The following RBFOX1 variants were observed in gnomAD, a reference collection of about 807,000 sequenced individuals.
RBFOX1 encodes the protein RNA binding fox-1 homolog 1, also known as RNA binding protein fox-1 homolog 1.
In RBFOX1, 8 loss-of-function variants were observed where a neutral mutation model predicts 57.7. The ratio of observed to expected loss-of-function variants is 0.14; its 90% confidence interval spans 0.08 to 0.25. RBFOX1 has a LOEUF of 0.25. RBFOX1 is among the 10% of genes least tolerant of loss of function. RBFOX1 has a pLI of 1.00. For synonymous variants in RBFOX1, 326 were observed against 222.4 expected (o/e 1.47, Z -4.15); for missense variants, 611 against 548.5 (o/e 1.11, Z -1.14).
chr16:7,174,106 G>C (rs943796581), intron 4 of RBFOX1, among the ~76,000 whole-genome samples: 1 of 152,146 alleles, frequency 6.6e-6, no homozygotes, highest in African/African-American at 2.4e-5. Flanking sequence ...TTCCTGGACA[G>C]GTTGTAGAAA....
At chr16:7,232,403 G>A (rs2152925049) in intron 4 of RBFOX1, among the ~76,000 whole-genome samples, 1 of 152,272 alleles carries the variant, frequency 6.6e-6, no homozygotes, top group Middle Eastern at 3.4e-3. Context: ...GTTATAACAA[G>A]CTTCAAACAA....
intron 4 of RBFOX1, among the ~76,000 whole-genome samples, chr16:7,455,841 A>G (rs182363549): frequency 1.1e-4 from 17 of 152,258 alleles, no homozygotes; most frequent in East Asian, 5.8e-4. Flanking sequence ...ATTTCAATCA[A>G]TGATAGTCAC....
intron 10 of RBFOX1, among the ~76,000 whole-genome samples, chr16:7,620,674 T>C (rs1217177026): frequency 6.6e-6 from 1 of 152,188 alleles, no homozygotes; most frequent in Non-Finnish European, 1.5e-5. Flanking sequence ...TTTGTTGTAA[T>C]GGGGGTAATG....
At chr16:7,672,894 TATAG>T (rs1234205818) in intron 13 of RBFOX1, among the ~76,000 whole-genome samples, 36 of 69,998 alleles carry the variant, frequency 5.1e-4, no homozygotes, top group African/African-American at 1.7e-3. Flanking sequence ...AAAAAGAACA[TATAG>T]ATAAATTAGG....
At chr16:6,925,651 T>G (rs2075439924) in intron 3 of RBFOX1, among the ~76,000 whole-genome samples, 1 of 151,976 alleles carries the variant, frequency 6.6e-6, no homozygotes, top group Non-Finnish European at 1.5e-5. Context: ...TACAAAGGGC[T>G]TAGGGTAGGG....
chr16:7,502,708 T>C (rs896853542), intron 4 of RBFOX1, among the ~76,000 whole-genome samples: 3 of 152,212 alleles, frequency 2.0e-5, no homozygotes, highest in African/African-American at 7.2e-5. Flanking sequence ...TAGAAAACTT[T>C]ATAATGTGTT....
intron 3 of RBFOX1, among the ~76,000 whole-genome samples, chr16:6,993,671 G>C (rs2091853511): frequency 6.6e-6 from 1 of 152,148 alleles, no homozygotes; most frequent in African/African-American, 2.4e-5. Flanking sequence ...TTTAGCATTT[G>C]TGTGCATTAG....
At chr16:6,958,208 C>T (rs1409125952) in intron 3 of RBFOX1, among the ~76,000 whole-genome samples, 3 of 152,160 alleles carry the variant, frequency 2.0e-5, no homozygotes, top group African/African-American at 7.2e-5. Context: ...GCATTTTTTC[C>T]AGTAAGCTTG....
chr16:6,314,479 C>G (rs1404275640), intron 1 of RBFOX1, among the ~76,000 whole-genome samples: 2 of 152,142 alleles, frequency 1.3e-5, no homozygotes, highest in Non-Finnish European at 2.9e-5. Flanking sequence ...GGTAGATGTT[C>G]AAGTCTCAAG....
At chr16:5,944,842 C>G (rs1288231715) in intron 4 of RBFOX1, among the ~76,000 whole-genome samples, 5 of 139,376 alleles carry the variant, frequency 3.6e-5, no homozygotes, top group African/African-American at 1.4e-4. Context: ...ACCTGTAGTC[C>G]CAGCTACTCA....
At chr16:7,091,296 T>G (rs2060811809) in intron 4 of RBFOX1, among the ~76,000 whole-genome samples, 1 of 152,076 alleles carries the variant, frequency 6.6e-6, no homozygotes, top group Non-Finnish European at 1.5e-5. Context: ...AATTTGGTGT[T>G]CCATTTATTC....
rs368992642 is a variant in RBFOX1, at chr16:5,967,513, A to G, written c.351+100178A>G. 2.0e-5 allele frequency among the ~76,000 whole-genome samples: 3 copies of G among 152,332 alleles called. No individual in the cohort carries two copies. In the East Asian group the frequency reaches 5.8e-4, roughly 29 times the overall value. The stretch of plus-strand genomic sequence containing the variant: ...CATAATCTGAGTGCTAGAGATGCTC[A>G]TTGTTACTGAGTTATTCATCGTTTC... On this transcript the variant is annotated intron_variant, in intron 4 of 19. Coordinates refer to the RBFOX1 transcript ENST00000641259.
intron 2 of RBFOX1, among the ~76,000 whole-genome samples, chr16:5,510,489 C>T (rs1244381345): frequency 8.6e-6 from 1 of 115,818 alleles, no homozygotes; most frequent in Non-Finnish European, 1.8e-5. Context: ...AGCATGTCAT[C>T]ACTCCCACCA....
intron 4 of RBFOX1, among the ~76,000 whole-genome samples, chr16:7,447,134 G>C (rs1371413565): frequency 1.3e-5 from 2 of 151,960 alleles, no homozygotes; most frequent in African/African-American, 4.8e-5. Context: ...TGGGTTTTAT[G>C]AGATGTGACA....
At chr16:5,265,073 C>T (rs757329360) in intron 1 of RBFOX1, among the ~76,000 whole-genome samples, 1 of 151,930 alleles carries the variant, frequency 6.6e-6, no homozygotes, top group Non-Finnish European at 1.5e-5. Context: ...AAAAAAATAG[C>T]AACCTTATGT....
At chr16:5,477,609 G>T (rs1198846091) in intron 2 of RBFOX1, among the ~76,000 whole-genome samples, 1 of 152,172 alleles carries the variant, frequency 6.6e-6, no homozygotes, top group African/African-American at 2.4e-5. Context: ...TTTTTGTCTA[G>T]ACGATATTTG....
rs61247347 is a variant in RBFOX1, at chr16:6,193,356, TTATATATATA to T, written c.-126-123628_-126-123619del. Reference sequence around the variant, plus strand: ...TCCATATTCTTTACATATATATACATTATATATATATATATATATACATTATATATATATA... The same window carrying T: ...TCCATATTCTTTACATATATATACATTATATATATACATTATATATATATA... On this transcript the variant is annotated intron_variant, in intron 1 of 15. Coordinates refer to ENST00000550418, the MANE Select transcript of RBFOX1 (RefSeq NM_018723.4). Among the ~76,000 whole-genome samples, 7 of 64,598 alleles carry T rather than the reference TTATATATATA, an allele frequency of 1.1e-4. No homozygotes were observed. In the East Asian group the frequency reaches 2.3e-3, roughly 21 times the overall value. 42.4% of individuals were successfully genotyped at this position (64,598 alleles called of 152,430 possible).
intron 4 of RBFOX1, among the ~76,000 whole-genome samples, chr16:7,509,738 T>A (rs906358854): frequency 7.3e-6 from 1 of 137,166 alleles, no homozygotes. Flanking sequence ...TTGCTATCTC[T>A]CTATCTCTTT....
At chr16:7,449,008 C>G (rs1447572937) in intron 4 of RBFOX1, among the ~76,000 whole-genome samples, 1 of 144,448 alleles carries the variant, frequency 6.9e-6, no homozygotes. Context: ...CGGCTCACCA[C>G]AACCTCCACC....
Sources: allele counts gnomAD v4.1 joint callset (sites outside exome capture counted in the v4.1 genomes callset), GRCh38; gene constraint gnomAD v4.1.1; transcripts MANE v1.5; gene names NCBI Gene and HGNC (gene_info 2026-07-23, HGNC 2026-07-21).